The following TMEM255B variants were observed in gnomAD, a reference collection of about 807,000 sequenced individuals.
TMEM255B encodes the protein family with sequence similarity 70, member B.
A neutral mutation model predicts 34.5 loss-of-function variants in TMEM255B; 35 were observed. The observed-to-expected ratio is 1.01, with a 90% CI of 0.77 to 1.34. The LOEUF is 1.34. Among genes scored for constraint, TMEM255B ranks in the 40% most tolerant of loss-of-function variants. The pLI, the probability that TMEM255B is intolerant of heterozygous loss-of-function variation, is 0.00. For missense variants in TMEM255B, 432 were observed against 433.2 expected, an observed-to-expected ratio of 1.00 and a Z score of 0.02; for synonymous variants, 206 against 201.2, an observed-to-expected ratio of 1.02 and a Z score of -0.20.
Position 113,816,576 on chromosome 13 carries a change from C to G in TMEM255B, c.*4673C>G, listed in dbSNP as rs1311429102. 1 of 152,322 alleles carries G rather than the reference C, an allele frequency of 6.6e-6. No homozygotes were observed. Among genetic ancestry groups the G allele is most frequent in the Non-Finnish European group, 1.5e-5 (1 of 68,116 alleles). 9.4% of individuals were successfully genotyped at this position (152,322 alleles called of 1,614,324 possible). On this transcript the variant is annotated 3_prime_UTR_variant, in exon 9 of 9. Transcript: ENST00000375353. ...GTGAACAAGAGCCATGGTCATCACC[C>G]TCGCCACACAGAGCAGCTCCTCCTG...
chr13:113,801,641 C>T lies in TMEM255B; in HGVS notation c.510-12C>T, dbSNP rs1252424597. ...CCTCGTGCGGTGACGCCATGGTGCC[C>T]TCTCTGTGCAGCGCAGAGCCCTCGC... On this transcript the variant is annotated splice_polypyrimidine_tract_variant and intron_variant, in intron 6 of 8. Coordinates refer to ENST00000375353, the MANE Select transcript of TMEM255B (RefSeq NM_182614.4). The T allele has an allele frequency of 6.3e-7, 1 of 1,581,986 alleles. No individual in the cohort carries two copies. Among genetic ancestry groups the T allele is most frequent in the South Asian group, 1.1e-5 (1 of 88,236 alleles).
At chr13:113,772,188 G>A (rs1207272341) in intron 3 of TMEM255B, among the ~76,000 whole-genome samples, 2 of 152,100 alleles carry the variant, frequency 1.3e-5, no homozygotes, top group Non-Finnish European at 2.9e-5. Context: ...TTTACATTGG[G>A]CTGCCTTTTC....
At chr13:113,767,853 G>A (rs1212643832) in intron 2 of TMEM255B, among the ~76,000 whole-genome samples, 2 of 152,192 alleles carry the variant, frequency 1.3e-5, no homozygotes, top group African/African-American at 4.8e-5. Flanking sequence ...AAAACGTAGT[G>A]TAACAGATGT....
chr13:113,782,630 G>A (rs1171927303), intron 3 of TMEM255B, among the ~76,000 whole-genome samples: 6 of 147,096 alleles, frequency 4.1e-5, no homozygotes, highest in African/African-American at 1.2e-4. Context: ...TCAGTCCTCC[G>A]TTGTCAGTGC....
At position 113,806,972 on chromosome 13, in the gene TMEM255B, G is replaced by A. The variant is rs1197153318; in HGVS notation, c.813+1944G>A. On this transcript the variant is annotated intron_variant, in intron 8 of 8. Coordinates refer to ENST00000375353, the MANE Select transcript of TMEM255B (RefSeq NM_182614.4). The surrounding 1 kb of genome is among the most constrained non-coding windows in gnomAD (Gnocchi z 4.2). ...GAGCATAGCCTCGGTGGCCCATGCT[G>A]TCTTCCATCCTCAACCTCAGCCGCT... 2.6e-5 allele frequency among the ~76,000 whole-genome samples: 4 copies of A among 152,210 alleles called. No homozygotes were observed.
chr13:113,786,181 C>T (rs144539903), intron 3 of TMEM255B, among the ~76,000 whole-genome samples: 166 of 152,202 alleles, frequency 1.1e-3, no homozygotes, highest in African/African-American at 3.7e-3. Flanking sequence ...ACAGTCTTTA[C>T]TATCCCCGCT....
rs879432523 is a variant in TMEM255B, at chr13:113,769,937, T to A, written c.252+777T>A. 6.6e-6 allele frequency: 1 copy of A among 152,330 alleles called. No homozygotes were observed. The highest frequency in any genetic ancestry group is 6.5e-5 in the Admixed American group (1 of 15,280). The allele number at this position is 152,330 out of a possible 1,614,324, so 9.4% of individuals were successfully genotyped here. A position where few individuals can be genotyped will look rare whatever the true frequency, so the allele number is the denominator to read the frequency against. On this transcript the variant is annotated intron_variant, in intron 3 of 8. Coordinates refer to ENST00000375353, the MANE Select transcript of TMEM255B (RefSeq NM_182614.4). This position sits in a 1 kb window ranked among gnomAD's most constrained non-coding sequence, Gnocchi z 4.2. ...GCTCTTCCCTGCACCGGCTGTCATG[T>A]TACTGTATCATCCAGCGTGCAAATG...
At chr13:113,784,897 A>G (rs933429485) in intron 3 of TMEM255B, among the ~76,000 whole-genome samples, 4 of 151,616 alleles carry the variant, frequency 2.6e-5, no homozygotes, top group Non-Finnish European at 4.4e-5. Flanking sequence ...TGTAAGAGTT[A>G]AAGAGGAAAG....
At chr13:113,780,720 A>T (rs891878097) in intron 3 of TMEM255B, among the ~76,000 whole-genome samples, 1 of 152,222 alleles carries the variant, frequency 6.6e-6, no homozygotes, top group Non-Finnish European at 1.5e-5. Context: ...ATTGAAGAGC[A>T]CCTGGTAAAA....
At chr13:113,768,190 G>A (rs1483307453) in intron 2 of TMEM255B, 3 of 470,102 alleles carry the variant, frequency 6.4e-6, no homozygotes, top group Admixed American at 2.4e-5. Context: ...GCGCACCTGC[G>A]TGGGAGCAAG....
At chr13:113,775,174 C>T (rs1362956693) in intron 3 of TMEM255B, among the ~76,000 whole-genome samples, 3 of 151,932 alleles carry the variant, frequency 2.0e-5, no homozygotes, top group Non-Finnish European at 4.4e-5. Context: ...ATGCACACCA[C>T]ATACACTACA....
In TMEM255B at chr13:113,803,847, G is replaced by A. The variant is rs1202806792; in HGVS notation, c.670-1038G>A. ...GGCTCCCTCCCAGCCCCAGGGGTGC[G>A]GGCAGCACCGTTGTCTGAGGACACC... On this transcript the variant is annotated intron_variant, in intron 7 of 8. Coordinates refer to ENST00000375353, the MANE Select transcript of TMEM255B (RefSeq NM_182614.4). 2.5e-4 allele frequency among the ~76,000 whole-genome samples: 6 copies of A among 24,292 alleles called. No individual in the cohort carries two copies. The Admixed American group carries it at 2.6e-3, about 10-fold the overall frequency. The allele number at this position is 24,292 out of a possible 152,430, so 15.9% of individuals were successfully genotyped here.
At chr13:113,799,637 T>C in intron 5 of TMEM255B, 1 of 634,760 alleles carries the variant, frequency 1.6e-6, no homozygotes, top group Admixed American at 2.5e-5. Flanking sequence ...TGGACTTGCT[T>C]CATTAAATCA....
intron 2 of TMEM255B, 177 bp downstream of exon 2, chr13:113,766,434 C>G (rs766441024): frequency 1.1e-6 from 1 of 917,256 alleles, no homozygotes; most frequent in Admixed American, 2.0e-5. Flanking sequence ...TCCCCAGGAC[C>G]TGGGACAGTG....
At chr13:113,772,934 A>G (rs1011433004) in intron 3 of TMEM255B, among the ~76,000 whole-genome samples, 13 of 152,320 alleles carry the variant, frequency 8.5e-5, no homozygotes, top group Admixed American at 4.6e-4. Flanking sequence ...AATTTCTACA[A>G]GGAAGCCAGC....
chr13:113,807,850 G>A lies in TMEM255B; in HGVS notation c.813+2822G>A, dbSNP rs967822972. ...TGGGGGGTGGTCCTCCCCGTCACACGCGGGCTTACGGGACGTGGGGGGCAC... is the reference window on the plus strand; with the variant it reads ...TGGGGGGTGGTCCTCCCCGTCACACACGGGCTTACGGGACGTGGGGGGCAC... On this transcript the variant is annotated intron_variant, in intron 8 of 8. Transcript: ENST00000375353. Among the ~76,000 whole-genome samples the A allele has an allele frequency of 8.8e-5, 13 of 147,194 alleles. 1 individual carries two copies. The highest frequency in any genetic ancestry group is 3.0e-4 in the African/African-American group (12 of 40,486).
intron 8 of TMEM255B, among the ~76,000 whole-genome samples, chr13:113,807,305 G>T (rs555671311): frequency 2.0e-5 from 3 of 150,808 alleles, no homozygotes; most frequent in African/African-American, 7.4e-5. Flanking sequence ...GTGGAGGGTG[G>T]TCCTCCCTGT....
At chr13:113,811,191 C>T (rs140460307) in intron 8 of TMEM255B, among the ~76,000 whole-genome samples, 805 of 51,328 alleles carry the variant, frequency 0.016, 4 homozygotes, top group Admixed American at 0.033. Flanking sequence ...GGGTGGGGGC[C>T]AGTGAGAGAG....
At chr13:113,795,530 GCACACAGCA>G (rs2050908328) in intron 4 of TMEM255B, among the ~76,000 whole-genome samples, 1 of 130,498 alleles carries the variant, frequency 7.7e-6, no homozygotes, top group Non-Finnish European at 1.6e-5. Flanking sequence ...AACACACAGA[GCACACAGCA>G]CACACACAAC....
Sources: allele counts gnomAD v4.1 joint callset (sites outside exome capture counted in the v4.1 genomes callset), GRCh38; gene constraint gnomAD v4.1.1; non-coding constraint Gnocchi (gnomAD v3.1); transcripts MANE v1.5; gene names NCBI Gene and HGNC (gene_info 2026-07-23, HGNC 2026-07-21).